The following SPATA16 variants were observed in gnomAD, a reference collection of about 807,000 sequenced individuals.
SPATA16 encodes spermatogenesis-associated protein 16.
Under a neutral mutation model 63.3 loss-of-function variants are expected in SPATA16, and 36 were observed. That is an observed-to-expected ratio of 0.57 (90% CI 0.44 to 0.75). The LOEUF is 0.75. Among genes scored for constraint, SPATA16 ranks in the 30% least tolerant of loss-of-function variants. The pLI is 0.00. For missense variants in SPATA16, 646 were observed against 679.3 expected (o/e 0.95, Z 0.54); for synonymous variants, 203 against 216.7 (o/e 0.94, Z 0.56).
rs552993935 is a variant in SPATA16, at chr3:172,933,457, G to T, written c.1082-7965C>A. Among the ~76,000 whole-genome samples the T allele has an allele frequency of 2.6e-5, 4 of 152,328 alleles. 1 individual carries two copies. The highest frequency in any genetic ancestry group is 9.6e-5 in the African/African-American group (4 of 41,580). Reference sequence around the variant, plus strand: ...TGCAAAAGAGTGGGATCCGGGAATTGTGTGGAAGGGGCACTCTTATTCCTT... The same window carrying T: ...TGCAAAAGAGTGGGATCCGGGAATTTTGTGGAAGGGGCACTCTTATTCCTT... On this transcript the variant is annotated intron_variant, in intron 6 of 10. Coordinates refer to ENST00000351008, the MANE Select transcript of SPATA16 (RefSeq NM_031955.6).
chr3:172,968,070 A>C (rs886535488), intron 5 of SPATA16, among the ~76,000 whole-genome samples: 27 of 152,320 alleles, frequency 1.8e-4, no homozygotes, highest in Middle Eastern at 3.4e-3. Context: ...GCTTTTAACT[A>C]TTCCTGGACT....
intron 5 of SPATA16, among the ~76,000 whole-genome samples, chr3:172,966,424 A>G (rs1733921288): frequency 6.6e-6 from 1 of 152,154 alleles, no homozygotes; most frequent in African/African-American, 2.4e-5. Flanking sequence ...TCTGGAAGTT[A>G]TTGTTCCTCA....
At position 173,053,376 on chromosome 3, in the gene SPATA16, C is replaced by CTAA. The variant is rs537862127; in HGVS notation, c.613-4285_613-4283dup. 1.6e-3 allele frequency among the ~76,000 whole-genome samples: 239 copies of CTAA among 151,382 alleles called. 5 individuals are homozygous for CTAA. In the South Asian group the frequency reaches 0.017, roughly 11 times the overall value. ...TGGGTGACAGACTGAGATTCAGTCT[C>CTAA]TAATAATAATAATAATAATAGTAAA... is the stretch of plus-strand genomic sequence containing the variant. On this transcript the variant is annotated intron_variant, in intron 2 of 10. Transcript: ENST00000351008.
At chr3:173,008,149 C>A (rs1033129344) in intron 4 of SPATA16, among the ~76,000 whole-genome samples, 1 of 152,108 alleles carries the variant, frequency 6.6e-6, no homozygotes, top group African/African-American at 2.4e-5. Flanking sequence ...AGAAGACAGG[C>A]TTTGATCCAG....
intron 6 of SPATA16, among the ~76,000 whole-genome samples, chr3:172,932,955 C>T (rs1448735837): frequency 6.6e-6 from 1 of 152,238 alleles, no homozygotes; most frequent in African/African-American, 2.4e-5. Context: ...TTGCAACCCA[C>T]ATAAAAACTT....
At chr3:173,112,129 C>G (rs780852040) in intron 2 of SPATA16, among the ~76,000 whole-genome samples, 2 of 152,150 alleles carry the variant, frequency 1.3e-5, no homozygotes, top group Non-Finnish European at 2.9e-5. Flanking sequence ...CACTCTCCCC[C>G]TACACACACT....
chr3:172,989,511 G>A (rs1052642687), intron 4 of SPATA16, among the ~76,000 whole-genome samples: 11 of 152,268 alleles, frequency 7.2e-5, no homozygotes, highest in Non-Finnish European at 1.2e-4. Flanking sequence ...GCTAGACAGC[G>A]TTTGTTTGAA....
chr3:172,974,618 T>C (rs1426327444), intron 5 of SPATA16, among the ~76,000 whole-genome samples: 1 of 152,014 alleles, frequency 6.6e-6, no homozygotes, highest in Non-Finnish European at 1.5e-5. Context: ...AATGGTTTGG[T>C]GTGCTGATGT....
chr3:172,951,745 A>G (rs531405002), intron 6 of SPATA16, among the ~76,000 whole-genome samples: 131 of 152,246 alleles, frequency 8.6e-4, no homozygotes, highest in African/African-American at 2.9e-3. Context: ...ACTCGACACT[A>G]TCTATGCTTG....
intron 4 of SPATA16, among the ~76,000 whole-genome samples, chr3:172,978,522 A>G (rs1461115390): frequency 2.6e-5 from 4 of 152,220 alleles, no homozygotes; most frequent in Non-Finnish European, 5.9e-5. Context: ...TAAGAAATCG[A>G]TGGAAAATAT....
intron 10 of SPATA16, among the ~76,000 whole-genome samples, chr3:172,903,308 G>C (rs575209071): frequency 2.0e-5 from 3 of 152,334 alleles, no homozygotes; most frequent in South Asian, 4.1e-4. Context: ...AATTTGGAAA[G>C]ATGCATTTTG....
intron 1 of SPATA16, among the ~76,000 whole-genome samples, chr3:173,120,988 T>C (rs989046122): frequency 3.3e-5 from 5 of 152,170 alleles, no homozygotes; most frequent in Admixed American, 2.0e-4. Flanking sequence ...TCAGAGGGAA[T>C]AAGTATCTAA....
chr3:172,924,235 C>T lies in SPATA16; in HGVS notation c.1311G>A (p.Leu437=), dbSNP rs764349991. 1.3e-5 allele frequency: 21 copies of T among 1,613,170 alleles called. 1 individual carries two copies. In the South Asian group the frequency reaches 2.0e-4, roughly 15 times the overall value. Residue 437 remains leucine, a synonymous_variant, in exon 8 of 11, where the codon TTG becomes TTA. Coordinates refer to ENST00000351008, the MANE Select transcript of SPATA16 (RefSeq NM_031955.6). ...ETMGKRILPI[L]DFIRSTQLNG... is the part of the protein sequence containing the mutation. ...TCAATTGGGTGCTTCTAATAAAATCCAATATTGGCAAGATTCGCTTCCCCA... is the reference window on the plus strand; with the variant it reads ...TCAATTGGGTGCTTCTAATAAAATCTAATATTGGCAAGATTCGCTTCCCCA...
chr3:173,041,333 T>G (rs9835281), intron 3 of SPATA16, among the ~76,000 whole-genome samples: 11,544 of 152,140 alleles, frequency 0.076, 1,387 homozygotes, highest in African/African-American at 0.26. Context: ...GAAGAAACAA[T>G]CAGTAATCTA....
chr3:173,090,189 C>T (rs985078241), intron 2 of SPATA16, among the ~76,000 whole-genome samples: 5 of 152,086 alleles, frequency 3.3e-5, no homozygotes, highest in African/African-American at 1.2e-4. Context: ...AGCACCATTC[C>T]TCTTGGCACT....
At chr3:172,949,254 C>T (rs73882550) in intron 6 of SPATA16, among the ~76,000 whole-genome samples, 13,216 of 151,896 alleles carry the variant, frequency 0.087, 1,907 homozygotes, top group African/African-American at 0.3. Flanking sequence ...AATAAATGGG[C>T]TGGATGGGGC....
intron 1 of SPATA16, among the ~76,000 whole-genome samples, chr3:173,137,822 A>ATCACAC (rs1738588482): frequency 8.2e-6 from 1 of 122,210 alleles, no homozygotes; most frequent in Non-Finnish European, 1.7e-5. Flanking sequence ...ATGGACTCTC[A>ATCACAC]ACACACACAC....
intron 4 of SPATA16, among the ~76,000 whole-genome samples, chr3:172,988,819 G>T (rs1037461843): frequency 6.6e-6 from 1 of 152,100 alleles, no homozygotes. Flanking sequence ...TGTATTTTTA[G>T]TAGAGACGGG....
At chr3:173,004,905 A>T (rs1734906814) in intron 4 of SPATA16, among the ~76,000 whole-genome samples, 1 of 152,258 alleles carries the variant, frequency 6.6e-6, no homozygotes, top group Non-Finnish European at 1.5e-5. Flanking sequence ...TGCAGACTAA[A>T]CAAATTCACT....
Sources: allele counts gnomAD v4.1 joint callset (sites outside exome capture counted in the v4.1 genomes callset), GRCh38; gene constraint gnomAD v4.1.1; transcripts MANE v1.5; gene names NCBI Gene and HGNC (gene_info 2026-07-23, HGNC 2026-07-21).